The following DHRS2 variants were observed in gnomAD, a reference collection of about 807,000 sequenced individuals.
The protein encoded by DHRS2 is dehydrogenase/reductase SDR family member 2, mitochondrial.
A neutral mutation model predicts 26.3 loss-of-function variants in DHRS2; 29 were observed. The observed-to-expected ratio is 1.10, with a 90% CI of 0.82 to 1.50. The LOEUF (loss-of-function observed/expected upper bound fraction) is 1.50, where lower values mean the gene tolerates loss of function less well. Among genes scored for constraint, DHRS2 ranks in the 40% most tolerant of loss-of-function variants. The pLI, the probability that DHRS2 is intolerant of heterozygous loss-of-function variation, is 0.00. For synonymous variants in DHRS2, 164 were observed against 151.3 expected, an observed-to-expected ratio of 1.08 and a Z score of -0.62; for missense variants, 439 against 367.1, an observed-to-expected ratio of 1.20 and a Z score of -1.60.
chr14:23,637,660 G>T lies in DHRS2; in HGVS notation c.-39+888G>T, dbSNP rs528306759. Among the ~76,000 whole-genome samples, 3 of 152,250 alleles carry T rather than the reference G, an allele frequency of 2.0e-5. No homozygotes were observed. In the South Asian group the frequency reaches 6.2e-4, roughly 32 times the overall value. ...TGCGTCGGTAAGGGCCACTAAATCC[G>T]ATTTTTCTCGGTCCTCCTCATGGTC... is the stretch of plus-strand genomic sequence containing the variant. On this transcript the variant is annotated intron_variant, in intron 1 of 8. Coordinates refer to ENST00000250383, the MANE Select transcript of DHRS2 (RefSeq NM_005794.4).
chr14:23,645,198 C>A lies in DHRS2; in HGVS notation c.788C>A (p.Ala263Asp), dbSNP rs1451361380. ...GIVSFLCSPDASYVNGENIAV... is the reference protein window; with the variant it reads ...GIVSFLCSPDDSYVNGENIAV... ...GTGTCCTTCCTGTGCTCTCCAGATG[C>A]CAGCTACGTCAACGGGGAGAACATT... Residue 263 changes from alanine to aspartate, a missense_variant, in exon 9 of 9, where the codon GCC becomes GAC. By Grantham distance (126) the Ala-to-Asp change is moderately radical. Transcript: ENST00000250383. 1.2e-6 allele frequency: 2 copies of A among 1,614,188 alleles called. No homozygotes were observed.
chr14:23,643,022 G>C (rs1566703751), intron 4 of DHRS2, 130 bp from the exon 5 acceptor site: 1 of 840,080 alleles, frequency 1.2e-6, no homozygotes. Context: ...TCAGAAGGGG[G>C]ATTGGTTTCT....
At chr14:23,642,206 T>C (rs965708642) in intron 4 of DHRS2, 1 of 1,005,878 alleles carries the variant, frequency 9.9e-7, no homozygotes, top group African/African-American at 1.7e-5. Flanking sequence ...AAGTCTGCGA[T>C]AAGCTGGTGT....
Position 23,639,404 on chromosome 14 carries a change from C to G in DHRS2, c.318+48C>G, listed in dbSNP as rs1468559516. ...GACACAGAGAGGGGAACATGCAGAACCTTTCCTTCACTGCTTGGCCCTTGT... is the reference window on the plus strand; with the variant it reads ...GACACAGAGAGGGGAACATGCAGAAGCTTTCCTTCACTGCTTGGCCCTTGT... On this transcript the variant is annotated intron_variant, in intron 3 of 8. Transcript: ENST00000250383. The G allele has an allele frequency of 4.6e-6, 7 of 1,518,570 alleles. No individual in the cohort carries two copies. In the African/African-American group the frequency reaches 9.7e-5, roughly 21 times the overall value. 94.1% of individuals were successfully genotyped at this position (1,518,570 alleles called of 1,614,324 possible).
chr14:23,644,767 C>G (rs182370091), intron 7 of DHRS2, 60 bp from the exon 8 acceptor site: 1 of 1,592,972 alleles, frequency 6.3e-7, no homozygotes, highest in Non-Finnish European at 8.6e-7. Context: ...GTGGCCTTCC[C>G]GGGGCCCTGC....
chr14:23,643,245 A>G (rs1274465217), intron 5 of DHRS2, 26 bp downstream of exon 5: 6 of 1,612,324 alleles, frequency 3.7e-6, no homozygotes, highest in Non-Finnish European at 5.1e-6. Context: ...GGTGGGGACC[A>G]GTCGGAGTTG....
At position 23,645,256 on chromosome 14, in the gene DHRS2, G is replaced by T; in HGVS notation, c.*3G>T. The stretch of plus-strand genomic sequence containing the variant: ...CAGGCTACTCCACTCGGCTCTGAGA[G>T]GAGTGGGGGCGGCTGCGTAGCTGTG... On this transcript the variant is annotated 3_prime_UTR_variant, in exon 9 of 9. Coordinates refer to ENST00000250383, the MANE Select transcript of DHRS2 (RefSeq NM_005794.4). The T allele has an allele frequency of 6.2e-7, 1 of 1,614,160 alleles. No individual in the cohort carries two copies. The highest frequency in any genetic ancestry group is 8.5e-7 in the Non-Finnish European group (1 of 1,180,048).
In DHRS2 at chr14:23,645,162, G is replaced by A; in HGVS notation, c.752G>A (p.Cys251Tyr). ...QLQRIGESED[C>Y]AGIVSFLCSP... ...TCCAGGATTGGGGAGTCAGAGGACT[G>A]TGCAGGAATCGTGTCCTTCCTGTGC... The change falls in exon 9 of 9, where the codon TGT (cysteine) becomes TAT (tyrosine). Residue 251 changes from cysteine (C) to tyrosine (Y), a missense_variant. Coordinates refer to ENST00000250383, the MANE Select transcript of DHRS2 (RefSeq NM_005794.4). 1.2e-6 allele frequency: 2 copies of A among 1,614,146 alleles called. No homozygotes were observed. Among genetic ancestry groups the A allele is most frequent in the Non-Finnish European group, 1.7e-6 (2 of 1,179,984 alleles).
chr14:23,636,223 A>T (rs1242956094), upstream of DHRS2: 4 of 152,138 alleles, frequency 2.6e-5, no homozygotes, highest in Non-Finnish European at 5.9e-5. Context: ...CTCTGTCAAA[A>T]CGGACCAATC....
chr14:23,645,143 AT>A lies in DHRS2; in HGVS notation c.735del (p.Ile245MetfsTer53). The A allele has an allele frequency of 6.2e-7, 1 of 1,613,962 alleles. No homozygotes were observed. The highest frequency in any genetic ancestry group is 8.5e-7 in the Non-Finnish European group (1 of 1,179,924). ...NFKEHHQLQR[I>X]GESEDCAGIV... ...ACACTGTGTCCTTCTTCCATCCAGGATTGGGGAGTCAGAGGACTGTGCAGGA... is the reference window on the plus strand; with the variant it reads ...ACACTGTGTCCTTCTTCCATCCAGGATGGGGAGTCAGAGGACTGTGCAGGA... On this transcript the variant is annotated frameshift_variant and splice_region_variant, in exon 9 of 9. Coordinates refer to ENST00000250383, the MANE Select transcript of DHRS2 (RefSeq NM_005794.4). LOFTEE classifies it low-confidence loss of function (END_TRUNC).
chr14:23,639,258 G>A lies in DHRS2; in HGVS notation c.220G>A (p.Asp74Asn). The change falls in exon 3 of 9, where the codon GAC (aspartate) becomes AAC (asparagine). Residue 74 changes from aspartate (D) to asparagine (N), a missense_variant. By Grantham distance (23) the Asp-to-Asn change is conservative (BLOSUM62 1). Coordinates refer to ENST00000250383, the MANE Select transcript of DHRS2 (RefSeq NM_005794.4). ...VISSRKQQNVDRAMAKLQGEG... is the reference protein window; with the variant it reads ...VISSRKQQNVNRAMAKLQGEG... ...CAGCAGCCGGAAGCAGCAGAACGTG[G>A]ACCGGGCCATGGCCAAGCTGCAGGG... The A allele has an allele frequency of 6.2e-7, 1 of 1,613,348 alleles. No homozygotes were observed. Among genetic ancestry groups the A allele is most frequent in the Non-Finnish European group, 8.5e-7 (1 of 1,179,692 alleles).
At chr14:23,645,015 G>T in intron 8 of DHRS2, 127 bp from the exon 9 acceptor site, 1 of 1,558,234 alleles carries the variant, frequency 6.4e-7, no homozygotes, top group South Asian at 1.1e-5. Context: ...TGGCCCTGGA[G>T]GGTGCAAGTA....
chr14:23,638,012 G>A (rs965312553), intron 1 of DHRS2: 3 of 152,178 alleles, frequency 2.0e-5, no homozygotes, highest in African/African-American at 7.2e-5. Flanking sequence ...TTCGCTCTTT[G>A]CAATAAATCT....
upstream of DHRS2, among the ~76,000 whole-genome samples, chr14:23,631,579 TTC>T (rs1297153101): frequency 1.2e-4 from 18 of 151,440 alleles, no homozygotes; most frequent in East Asian, 2.7e-3. Flanking sequence ...TTCCCTTCTC[TTC>T]TCTCTTTGGA....
chr14:23,643,472 GC>G (rs1298216087), intron 5 of DHRS2: 4 of 503,030 alleles, frequency 8.0e-6, no homozygotes, highest in African/African-American at 7.7e-5. Flanking sequence ...TTGGGACAAG[GC>G]TATGCTTTAA....
At chr14:23,639,660 G>C in intron 3 of DHRS2, 134 bp from the exon 4 acceptor site, 1 of 1,023,722 alleles carries the variant, frequency 9.8e-7, no homozygotes, top group Non-Finnish European at 1.4e-6. Flanking sequence ...CCAGGAGCCT[G>C]CCCTTGGGAC....
chr14:23,634,965 T>C (rs565206142), upstream of DHRS2, among the ~76,000 whole-genome samples: 1 of 152,316 alleles, frequency 6.6e-6, no homozygotes, highest in East Asian at 1.9e-4. Flanking sequence ...CTGCCTTAAT[T>C]GTAAGTTTCC....
intron 6 of DHRS2, 93 bp from the exon 7 acceptor site, chr14:23,644,316 G>A: frequency 2.5e-6 from 4 of 1,580,910 alleles, no homozygotes; most frequent in East Asian, 4.5e-5. Flanking sequence ...TGGGAGGGCT[G>A]CTGGGCCTGT....
At chr14:23,637,063 G>C (rs1890340793) in intron 1 of DHRS2, among the ~76,000 whole-genome samples, 1 of 152,168 alleles carries the variant, frequency 6.6e-6, no homozygotes, top group Non-Finnish European at 1.5e-5. Context: ...ACAACAAGTT[G>C]GTTGACCCTG....
Sources: gnomAD v4.1 joint callset for allele counts (sites outside exome capture counted in the v4.1 genomes callset) on GRCh38, gnomAD v4.1.1 for gene constraint, MANE v1.5 for transcripts, NCBI Gene and HGNC (gene_info 2026-07-23, HGNC 2026-07-21) for gene names.